ISM2: variants seen among roughly 807,000 people sequenced by gnomAD.
The protein encoded by ISM2 is isthmin-2.
In ISM2, 50 loss-of-function variants were observed where a neutral mutation model predicts 58.0. That is an observed-to-expected ratio of 0.86 (90% confidence interval 0.69 to 1.09). The LOEUF is 1.09. ISM2 is among the 50% of genes least tolerant of loss of function. The pLI is 0.00. For synonymous variants in ISM2, 303 were observed against 312.4 expected (o/e 0.97, Z 0.32); for missense variants, 723 against 745.0 (o/e 0.97, Z 0.34).
In ISM2 at chr14:77,475,594, A is replaced by G. The variant is rs1311725983; in HGVS notation, c.*1T>C. On this transcript the variant is annotated 3_prime_UTR_variant, in exon 7 of 7. Coordinates refer to ENST00000342219, the MANE Select transcript of ISM2 (RefSeq NM_199296.3). The surrounding 1 kb of genome is among the most constrained non-coding windows in gnomAD (Gnocchi z 4.1). Reference sequence around the variant, plus strand: ...GCAGTGTCTGTTCAGCAACCCCGTCACTAGTACTCCTTGGCCTCCTGCAAC... The same window carrying G: ...GCAGTGTCTGTTCAGCAACCCCGTCGCTAGTACTCCTTGGCCTCCTGCAAC... 1.3e-6 allele frequency: 2 copies of G among 1,557,182 alleles called. No homozygotes were observed. The highest frequency in any genetic ancestry group is 1.2e-5 in the South Asian group (1 of 82,232).
intron 1 of ISM2, among the ~76,000 whole-genome samples, chr14:77,489,694 G>A (rs529649188): frequency 7.9e-5 from 12 of 152,038 alleles, no homozygotes; most frequent in African/African-American, 2.2e-4. Context: ...GGCACCCAGC[G>A]GAGGCTGCAA....
At position 77,482,596 on chromosome 14, in the gene ISM2, G is replaced by C. The variant is rs1382348146; in HGVS notation, c.699C>G (p.Pro233=). 2 of 1,609,988 alleles carry C rather than the reference G, an allele frequency of 1.2e-6. No individual in the cohort carries two copies. The highest frequency in any genetic ancestry group is 1.3e-5 in the African/African-American group (1 of 74,794). Residue 233 remains proline, a synonymous_variant, in exon 4 of 7, where the codon CCC becomes CCG. Coordinates refer to ENST00000342219, the MANE Select transcript of ISM2 (RefSeq NM_199296.3). ...SIDLLAEPSN[P]PPQDTLSWLP... Reference sequence around the variant, plus strand: ...GCCAGCTAAGGGTATCCTGGGGCGGGGGATTGCTGGGCTCAGCCAACAGGT... The same window carrying C: ...GCCAGCTAAGGGTATCCTGGGGCGGCGGATTGCTGGGCTCAGCCAACAGGT...
intron 4 of ISM2, among the ~76,000 whole-genome samples, 195 bp downstream of exon 4, chr14:77,482,125 TAA>T (rs371621754): frequency 7.3e-6 from 1 of 137,630 alleles, no homozygotes; most frequent in Non-Finnish European, 1.6e-5. Flanking sequence ...ATTAAAAAAT[TAA>T]AAAAAAAAAA....
intron 1 of ISM2, among the ~76,000 whole-genome samples, chr14:77,492,670 C>T (rs961716637): frequency 2.0e-5 from 3 of 152,034 alleles, no homozygotes; most frequent in African/African-American, 7.3e-5. Flanking sequence ...ACTACCCATG[C>T]CTGGCTTGGC....
chr14:77,490,051 G>A (rs1029751860), intron 1 of ISM2, among the ~76,000 whole-genome samples: 3 of 152,194 alleles, frequency 2.0e-5, no homozygotes, highest in Non-Finnish European at 4.4e-5. Context: ...TTTTAATAGA[G>A]ATGGGGTTTC....
Position 77,496,985 on chromosome 14 carries a change from G to A in ISM2, c.141+1668C>T, listed in dbSNP as rs562007165. On this transcript the variant is annotated intron_variant, in intron 1 of 6. Coordinates refer to ENST00000342219, the MANE Select transcript of ISM2 (RefSeq NM_199296.3). ...GCCTTTGGAGGGTTTCAGCAGTCTGGACAAGTTCTGGCTCTCACTCTCTCA... is the reference window on the plus strand; with the variant it reads ...GCCTTTGGAGGGTTTCAGCAGTCTGAACAAGTTCTGGCTCTCACTCTCTCA... 1.4e-4 allele frequency among the ~76,000 whole-genome samples: 22 copies of A among 151,978 alleles called. 1 individual carries two copies. The South Asian group carries it at 3.5e-3, about 24-fold the overall frequency.
intron 4 of ISM2, among the ~76,000 whole-genome samples, chr14:77,480,771 T>C (rs1038725448): frequency 1.3e-5 from 2 of 151,732 alleles, no homozygotes; most frequent in Non-Finnish European, 2.9e-5. Context: ...TTGCCCAGAC[T>C]GATCACAAAC....
intron 1 of ISM2, among the ~76,000 whole-genome samples, chr14:77,496,812 A>C (rs1296760715): frequency 8.0e-6 from 1 of 125,644 alleles, no homozygotes; most frequent in Non-Finnish European, 1.8e-5. Context: ...AAAAAAAAAA[A>C]AAAAAAAAAA....
rs757702721 is a variant in ISM2, at chr14:77,475,573, T to C, written c.*22A>G. 1 of 1,533,992 alleles carries C rather than the reference T, an allele frequency of 6.5e-7. No homozygotes were observed. Among genetic ancestry groups the C allele is most frequent in the Non-Finnish European group, 8.8e-7 (1 of 1,138,366 alleles). On this transcript the variant is annotated 3_prime_UTR_variant, in exon 7 of 7. Coordinates refer to ENST00000342219, the MANE Select transcript of ISM2 (RefSeq NM_199296.3). This position sits in a 1 kb window ranked among gnomAD's most constrained non-coding sequence, Gnocchi z 4.1. Reference sequence around the variant, plus strand: ...GCAGCCGCCTGCCCTCTCCCTGCAGTGTCTGTTCAGCAACCCCGTCACTAG... The same window carrying C: ...GCAGCCGCCTGCCCTCTCCCTGCAGCGTCTGTTCAGCAACCCCGTCACTAG...
In ISM2 at chr14:77,478,658, G is replaced by C. The variant is rs1361699415; in HGVS notation, c.1031C>G (p.Thr344Ser). The C allele has an allele frequency of 6.2e-7, 1 of 1,613,892 alleles. No homozygotes were observed. The highest frequency in any genetic ancestry group is 2.2e-5 in the East Asian group (1 of 44,870). The change falls in exon 5 of 7, where the codon ACT becomes AGT. Residue 344 changes from threonine (T) to serine (S), a missense_variant. Transcript: ENST00000342219. ...GGGCCGAGTCCTCTGCTGCTTGCCA[G>C]TGCTGCAGTTCCCACTGCAGGGAGA... ...PWSPCSGNCSTGKQQRTRPCG... is the reference protein window; with the variant it reads ...PWSPCSGNCSSGKQQRTRPCG...
chr14:77,498,386 C>T lies in ISM2; in HGVS notation c.141+267G>A, dbSNP rs1221784353. 50 of 1,307,200 alleles carry T rather than the reference C, an allele frequency of 3.8e-5. No individual in the cohort carries two copies. The Middle Eastern group carries it at 5.6e-4, about 15-fold the overall frequency. 81.0% of individuals were successfully genotyped at this position (1,307,200 alleles called of 1,614,324 possible). A position where few individuals can be genotyped will look rare whatever the true frequency, so the allele number is the denominator to read the frequency against. Reference sequence around the variant, plus strand: ...CCGGCCACCGTGGAGTGTCGGCCACCTCACTCCGCACAGAAGTCAAACTTG... The same window carrying T: ...CCGGCCACCGTGGAGTGTCGGCCACTTCACTCCGCACAGAAGTCAAACTTG... On this transcript the variant is annotated intron_variant, in intron 1 of 6. Coordinates refer to ENST00000342219, the MANE Select transcript of ISM2 (RefSeq NM_199296.3).
chr14:77,480,302 C>CCAAACAA (rs2079123478), intron 4 of ISM2, among the ~76,000 whole-genome samples: 1 of 123,466 alleles, frequency 8.1e-6, no homozygotes. Flanking sequence ...GACACTGTCT[C>CCAAACAA]AAAAAAAAAA....
chr14:77,493,797 A>G (rs1277763016), intron 1 of ISM2, among the ~76,000 whole-genome samples: 1 of 150,848 alleles, frequency 6.6e-6, no homozygotes, highest in East Asian at 2.0e-4. Flanking sequence ...TCTGAGATGG[A>G]GTCTCGCTCT....
intron 1 of ISM2, among the ~76,000 whole-genome samples, chr14:77,496,505 C>T (rs997141040): frequency 2.0e-5 from 3 of 151,136 alleles, no homozygotes; most frequent in Admixed American, 6.6e-5. Context: ...AAAAAATAGC[C>T]GGGCGTGGCG....
rs2079092739 is a variant in ISM2, at chr14:77,475,701, C to T, written c.1610G>A (p.Trp537Ter). Reference sequence around the variant, plus strand: ...AGGGAGCACAGCGTGGAGGCGGCTCCAGTCCCCCTTGCACAGGATCCAGGG... The same window carrying T: ...AGGGAGCACAGCGTGGAGGCGGCTCTAGTCCCCCTTGCACAGGATCCAGGG... ...TTPWILCKGD[W>*]SRLHAVLPPN... is the part of the protein sequence containing the mutation. The change falls in exon 7 of 7, where the codon TGG becomes TAG. Residue 537 changes from tryptophan (W) to a stop codon, truncating the protein, a stop_gained. Transcript: ENST00000342219. LOFTEE classifies it high-confidence loss of function. The surrounding 1 kb of genome is among the most constrained non-coding windows in gnomAD (Gnocchi z 4.1). The T allele has an allele frequency of 6.2e-7, 1 of 1,614,130 alleles. No homozygotes were observed. Among genetic ancestry groups the T allele is most frequent in the Non-Finnish European group, 8.5e-7 (1 of 1,180,036 alleles).
rs1324632633 is a variant in ISM2, at chr14:77,475,413, A to G, written c.*182T>C. On this transcript the variant is annotated 3_prime_UTR_variant, in exon 7 of 7. Transcript: ENST00000342219. The surrounding 1 kb of genome is among the most constrained non-coding windows in gnomAD (Gnocchi z 4.1). Reference sequence around the variant, plus strand: ...GCCCTACATACCCTTCAACCTTCTCACTAACCCCACTGAGATATCTGCTTC... The same window carrying G: ...GCCCTACATACCCTTCAACCTTCTCGCTAACCCCACTGAGATATCTGCTTC... The G allele has an allele frequency of 3.5e-6, 2 of 572,052 alleles. No homozygotes were observed. The highest frequency in any genetic ancestry group is 3.8e-5 in the African/African-American group (2 of 52,912). The allele number at this position is 572,052 out of a possible 1,614,324, so 35.4% of individuals were successfully genotyped here.
At chr14:77,493,886 C>T (rs2079222661) in intron 1 of ISM2, among the ~76,000 whole-genome samples, 1 of 152,216 alleles carries the variant, frequency 6.6e-6, no homozygotes, top group South Asian at 2.1e-4. Context: ...GTTCTCCTGC[C>T]TCAGCCTCCC....
intron 1 of ISM2, among the ~76,000 whole-genome samples, chr14:77,493,928 T>C (rs1209683255): frequency 2.6e-5 from 4 of 152,050 alleles, no homozygotes; most frequent in South Asian, 4.2e-4. Context: ...CTTGCTACCA[T>C]GCCCAGCTAA....
Position 77,484,284 on chromosome 14 carries a change from G to A in ISM2, c.627+39C>T, listed in dbSNP as rs568008968. On this transcript the variant is annotated intron_variant, in intron 3 of 6. Transcript: ENST00000342219. The stretch of plus-strand genomic sequence containing the variant: ...CACCTTGTCAGCCCCGCTCCTCTCC[G>A]GGTGTCTGCAGGGCTGCTGGCCCTT... 3.8e-5 allele frequency: 61 copies of A among 1,596,342 alleles called. No individual in the cohort carries two copies. The South Asian group carries it at 4.1e-4, about 11-fold the overall frequency.
Sources: gnomAD v4.1 joint callset for allele counts (sites outside exome capture counted in the v4.1 genomes callset) on GRCh38, gnomAD v4.1.1 for gene constraint, Gnocchi (gnomAD v3.1) non-coding constraint, MANE v1.5 for transcripts, NCBI Gene and HGNC (gene_info 2026-07-23, HGNC 2026-07-21) for gene names.